The following MAPK4 variants were observed in gnomAD, a reference collection of about 807,000 sequenced individuals.
MAPK4 encodes the protein mitogen-activated protein kinase 4, also known as Erk3-related.
MAPK4 carries 22 observed loss-of-function variants against 47.7 expected under a neutral mutation model. That is an observed-to-expected ratio of 0.46 (90% CI 0.33 to 0.66). The LOEUF (loss-of-function observed/expected upper bound fraction) is 0.66, where lower values mean the gene tolerates loss of function less well. Ranked by LOEUF, MAPK4 falls within the 30% of genes least tolerant of loss-of-function variation. The pLI is 0.02. For missense variants in MAPK4, 736 were observed against 831.7 expected (o/e 0.88, Z 1.42); for synonymous variants, 390 against 365.7 (o/e 1.07, Z -0.76).
chr18:50,667,930 C>T (rs1907694492), intron 2 of MAPK4, among the ~76,000 whole-genome samples: 1 of 152,156 alleles, frequency 6.6e-6, no homozygotes, highest in Admixed American at 6.5e-5. Flanking sequence ...AAGACTGCCC[C>T]CTCCTTCCCA....
At chr18:50,634,630 T>A (rs1025822639) in intron 1 of MAPK4, among the ~76,000 whole-genome samples, 5 of 152,206 alleles carry the variant, frequency 3.3e-5, no homozygotes, top group African/African-American at 1.2e-4. Context: ...TAAGAGGTGT[T>A]TTTGTAGATC....
chr18:50,638,178 G>A (rs972262833), intron 1 of MAPK4, among the ~76,000 whole-genome samples: 12 of 151,838 alleles, frequency 7.9e-5, no homozygotes, highest in African/African-American at 2.7e-4. Flanking sequence ...TGAGCATTGG[G>A]TGGAATCTGT....
intron 1 of MAPK4, among the ~76,000 whole-genome samples, chr18:50,612,396 C>G (rs374042902): frequency 1.8e-4 from 27 of 152,298 alleles, no homozygotes; most frequent in East Asian, 1.7e-3. Flanking sequence ...AGGGATAATT[C>G]TAGGTCTTGG....
chr18:50,571,863 G>C (rs865879661), intron 1 of MAPK4, among the ~76,000 whole-genome samples: 1 of 152,156 alleles, frequency 6.6e-6, no homozygotes. Flanking sequence ...TATGCGGTGG[G>C]CTTTTTACCA....
At chr18:50,722,622 C>T (rs1161635546) in intron 4 of MAPK4, among the ~76,000 whole-genome samples, 1 of 152,182 alleles carries the variant, frequency 6.6e-6, no homozygotes, top group Non-Finnish European at 1.5e-5. Context: ...GACCCAGTCT[C>T]GGTGACAGCA....
At chr18:50,594,661 T>C (rs2042466754) in intron 1 of MAPK4, among the ~76,000 whole-genome samples, 1 of 152,156 alleles carries the variant, frequency 6.6e-6, no homozygotes, top group Non-Finnish European at 1.5e-5. Context: ...CAAAGCAGAA[T>C]ATTTTTAAGA....
rs1432196053 is a variant in MAPK4 at position 50,653,158 on chromosome 18, C to T, written c.-870-9931C>T. 2.0e-5 allele frequency among the ~76,000 whole-genome samples: 3 copies of T among 151,710 alleles called. No individual in the cohort carries two copies. The South Asian group carries it at 6.3e-4, about 32-fold the overall frequency. The stretch of plus-strand genomic sequence containing the variant: ...GAGCTATGATCGAGCCACTGCACAC[C>T]AGCCTGGGTGACAGAGCAAGACCTT... On this transcript the variant is annotated intron_variant, in intron 1 of 5. Transcript: ENST00000400384.
chr18:50,643,218 A>C (rs2144186918), intron 1 of MAPK4, among the ~76,000 whole-genome samples: 1 of 152,372 alleles, frequency 6.6e-6, no homozygotes, highest in East Asian at 1.9e-4. Flanking sequence ...GAATTTATTT[A>C]AAAACAATTC....
intron 1 of MAPK4, 37 bp downstream of exon 1, chr18:50,560,280 C>A (rs2042141035): frequency 6.6e-6 from 1 of 152,110 alleles, no homozygotes. Context: ...CTCCTCCCGC[C>A]GCCTGCGCCT....
intron 1 of MAPK4, among the ~76,000 whole-genome samples, chr18:50,610,704 T>G (rs2042625232): frequency 6.6e-6 from 1 of 152,196 alleles, no homozygotes; most frequent in Non-Finnish European, 1.5e-5. Context: ...GTGCTGCCAT[T>G]TCTTTATTGA....
chr18:50,680,514 GT>G (rs1908531598), intron 2 of MAPK4, among the ~76,000 whole-genome samples: 1 of 152,122 alleles, frequency 6.6e-6, no homozygotes, highest in Middle Eastern at 3.2e-3. Flanking sequence ...AGCAGAATCA[GT>G]TTTAGAACAT....
intron 1 of MAPK4, among the ~76,000 whole-genome samples, chr18:50,653,230 G>A (rs773297530): frequency 5.3e-5 from 8 of 152,024 alleles, no homozygotes; most frequent in Admixed American, 1.3e-4. Flanking sequence ...AGAGAAGGTG[G>A]GCAGTTTCCC....
At chr18:50,688,892 A>AT (rs1382498396) in intron 2 of MAPK4, among the ~76,000 whole-genome samples, 4 of 149,920 alleles carry the variant, frequency 2.7e-5, no homozygotes, top group Non-Finnish European at 5.9e-5. Flanking sequence ...ATGGAAATAA[A>AT]AAAAAAAAAA....
chr18:50,724,810 G>A (rs759108418), intron 4 of MAPK4, among the ~76,000 whole-genome samples: 9 of 152,230 alleles, frequency 5.9e-5, no homozygotes, highest in South Asian at 2.1e-4. Context: ...GGAGCTCCTC[G>A]GAGGGATGGG....
At chr18:50,602,187 A>G (rs2042546975) in intron 1 of MAPK4, among the ~76,000 whole-genome samples, 1 of 152,224 alleles carries the variant, frequency 6.6e-6, no homozygotes, top group South Asian at 2.1e-4. Flanking sequence ...CCAGAGAGTC[A>G]CCATGCATAT....
chr18:50,641,577 A>G (rs1409124787), intron 1 of MAPK4, among the ~76,000 whole-genome samples: 2 of 152,180 alleles, frequency 1.3e-5, no homozygotes, highest in African/African-American at 4.8e-5. Flanking sequence ...GAAACCCTCA[A>G]TATGCTAATT....
At chr18:50,600,866 A>C (rs910911879) in intron 1 of MAPK4, among the ~76,000 whole-genome samples, 4 of 152,092 alleles carry the variant, frequency 2.6e-5, no homozygotes, top group African/African-American at 9.7e-5. Context: ...CCTAGATAGA[A>C]ATTTTTTAAA....
chr18:50,638,268 T>C (rs575816869), intron 1 of MAPK4, among the ~76,000 whole-genome samples: 1 of 152,330 alleles, frequency 6.6e-6, no homozygotes, highest in South Asian at 2.1e-4. Flanking sequence ...CAGTCCTAGA[T>C]TTAACATTGG....
At chr18:50,591,370 A>G (rs1470803946) in intron 1 of MAPK4, among the ~76,000 whole-genome samples, 2 of 151,994 alleles carry the variant, frequency 1.3e-5, no homozygotes, top group African/African-American at 2.4e-5. Flanking sequence ...ACATTCTTCC[A>G]TCAATCCTGC....
Sources: gnomAD v4.1 joint callset for allele counts (sites outside exome capture counted in the v4.1 genomes callset) on GRCh38, gnomAD v4.1.1 for gene constraint, MANE v1.5 for transcripts, NCBI Gene and HGNC (gene_info 2026-07-23, HGNC 2026-07-21) for gene names.